The following HEATR1 variants were observed in gnomAD, a reference collection of about 807,000 sequenced individuals.
HEATR1 encodes the protein HEAT repeat-containing protein 1.
A neutral mutation model predicts 248.2 loss-of-function variants in HEATR1; 77 were observed. The observed-to-expected ratio is 0.31, with a 90% confidence interval of 0.26 to 0.37. HEATR1 has a LOEUF of 0.37. Among genes scored for constraint, HEATR1 ranks in the 10% least tolerant of loss-of-function variants. HEATR1 has a pLI of 1.00. For synonymous variants in HEATR1, 897 were observed against 923.1 expected (o/e 0.97, Z 0.51); for missense variants, 2,420 against 2,504.9 (o/e 0.97, Z 0.72).
At chr1:236,587,062 T>C (rs1463977612) in intron 14 of HEATR1, among the ~76,000 whole-genome samples, 2 of 152,160 alleles carry the variant, frequency 1.3e-5, no homozygotes, top group African/African-American at 2.4e-5. Flanking sequence ...GTTTAACACA[T>C]TGGTATTTGT....
At chr1:236,565,415 G>C (rs752227922) in intron 31 of HEATR1, among the ~76,000 whole-genome samples, 1 of 152,006 alleles carries the variant, frequency 6.6e-6, no homozygotes, top group Non-Finnish European at 1.5e-5. Context: ...CATTCTCCTG[G>C]GTAGCTGGGA....
intron 4 of HEATR1, 83 bp downstream of exon 4, chr1:236,599,400 G>A (rs1049120592): frequency 6.1e-6 from 7 of 1,156,082 alleles, no homozygotes; most frequent in Admixed American, 2.5e-5. Flanking sequence ...CTATCCCCAG[G>A]AGCAATGACT....
chr1:236,590,838 G>C lies in HEATR1; in HGVS notation c.1530+9C>G, dbSNP rs189070540. ...AAAAAACCATATAAAAAAGCGATCT[G>C]AAACAAACCTTTGATGTTTTCATGA... On this transcript the variant is annotated intron_variant, in intron 12 of 44. Transcript: ENST00000366582. The C allele has an allele frequency of 5.4e-5, 77 of 1,419,084 alleles. No individual in the cohort carries two copies. The African/African-American group carries it at 1.0e-3, about 19-fold the overall frequency. 87.9% of individuals were successfully genotyped at this position (1,419,084 alleles called of 1,614,324 possible). A position where few individuals can be genotyped will look rare whatever the true frequency, so the allele number is the denominator to read the frequency against.
Position 236,558,425 on chromosome 1 carries a change from A to G in HEATR1, c.5016T>C (p.Tyr1672=). 1 of 1,614,216 alleles carries G rather than the reference A, an allele frequency of 6.2e-7. No homozygotes were observed. ...AATTCTTGCATAAAAGCTTTAAGGT[A>G]TACAACGCTGTCTGTCTGTTGATTG... The part of the protein sequence containing the change: ...EQAINRQTAL[Y]TLKLLCKNFG... The change falls in exon 36 of 45, where the codon TAT becomes TAC. Residue 1672 remains tyrosine, a synonymous_variant. Transcript: ENST00000366582.
In HEATR1 at chr1:236,564,516, G is replaced by A. The variant is rs1342521118; in HGVS notation, c.4581C>T (p.Ser1527=). ...ACATTACCTTTTTCAGAAAATTATTGGAAGACAGGAGCTGAGACATGAAGG... is the reference window on the plus strand; with the variant it reads ...ACATTACCTTTTTCAGAAAATTATTAGAAGACAGGAGCTGAGACATGAAGG... ...SVSFMSQLLS[S]NNFLKKVVES... is the part of the protein sequence containing the mutation. Residue 1527 remains serine (S), a synonymous_variant, in exon 32 of 45, where the codon TCC becomes TCT. Coordinates refer to ENST00000366582, the MANE Select transcript of HEATR1 (RefSeq NM_018072.6). The A allele has an allele frequency of 6.2e-7, 1 of 1,612,920 alleles. No homozygotes were observed. Among genetic ancestry groups the A allele is most frequent in the African/African-American group, 1.3e-5 (1 of 74,822 alleles).
At chr1:236,596,074 G>A in intron 6 of HEATR1, 30 bp from the exon 7 acceptor site, 8 of 1,461,776 alleles carry the variant, frequency 5.5e-6, no homozygotes, top group Non-Finnish European at 7.6e-6. Flanking sequence ...AAGGAAAAAT[G>A]ATAAACCATA....
At position 236,595,968 on chromosome 1, in the gene HEATR1, A is replaced by G. The variant is rs772555932; in HGVS notation, c.821T>C (p.Met274Thr). ...IICQISVKVT[M>T]ENTFVNSLAS... ...CAATGAATTCACAAAGGTATTTTCC[A>G]TGGTCACTTTCACAGAAATCTGACA... Residue 274 changes from methionine (M) to threonine (T), a missense_variant, in exon 7 of 45, where the codon ATG becomes ACG. Transcript: ENST00000366582. The G allele has an allele frequency of 2.5e-6, 4 of 1,613,892 alleles. No individual in the cohort carries two copies. In the East Asian group the frequency reaches 8.9e-5, roughly 36 times the overall value.
chr1:236,562,622 C>T (rs539618448), intron 32 of HEATR1, among the ~76,000 whole-genome samples: 36 of 152,186 alleles, frequency 2.4e-4, no homozygotes, highest in Admixed American at 2.2e-3. Flanking sequence ...GTCCTTGGCC[C>T]CTTACAGTTT....
intron 20 of HEATR1, among the ~76,000 whole-genome samples, chr1:236,577,371 G>A (rs148628884): frequency 0.011 from 1,666 of 152,202 alleles, 27 homozygotes; most frequent in African/African-American, 0.038. Flanking sequence ...GGCTGGTTTC[G>A]AACTCCTGAC....
At chr1:236,577,060 T>C (rs1284705955) in intron 20 of HEATR1, 111 bp from the exon 21 acceptor site, 1 of 746,270 alleles carries the variant, frequency 1.3e-6, no homozygotes, top group Admixed American at 3.0e-5. Flanking sequence ...GAATTCAAAC[T>C]CCTTCTCTGT....
At chr1:236,574,946 A>T in intron 22 of HEATR1, 43 bp from the exon 23 acceptor site, 1 of 1,580,768 alleles carries the variant, frequency 6.3e-7, no homozygotes, top group Non-Finnish European at 8.6e-7. Flanking sequence ...ATGTATACTG[A>T]TATGTTTTTG....
At chr1:236,569,616 C>CGATA (rs1282995228) in intron 28 of HEATR1, among the ~76,000 whole-genome samples, 2 of 151,982 alleles carry the variant, frequency 1.3e-5, no homozygotes, top group South Asian at 4.2e-4. Flanking sequence ...ACTAGAATGG[C>CGATA]GATAAAAAAG....
rs1339998847 is a variant in HEATR1, at chr1:236,566,045, C to A, written c.4309G>T (p.Asp1437Tyr). Residue 1437 changes from aspartate to tyrosine, a missense_variant and splice_region_variant, in exon 31 of 45, where the codon GAT (aspartate) becomes TAT (tyrosine). Transcript: ENST00000366582. ...TCAGTGTCTGCTTCTAAAATAGCAT[C>A]CTGTGTAGAAAAAGAAAAAGGTAAC... is the stretch of plus-strand genomic sequence containing the variant. ...TVLAAAYGEK[D>Y]AILEADTEFW... The A allele has an allele frequency of 1.2e-6, 2 of 1,611,778 alleles. No individual in the cohort carries two copies. The highest frequency in any genetic ancestry group is 4.5e-5 in the East Asian group (2 of 44,838).
chr1:236,549,750 G>A lies in HEATR1; in HGVS notation c.*1152C>T, dbSNP rs892555044. 6.6e-6 allele frequency: 1 copy of A among 152,040 alleles called. No individual in the cohort carries two copies. The highest frequency in any genetic ancestry group is 6.5e-5 in the Admixed American group (1 of 15,274). 9.4% of individuals were successfully genotyped at this position (152,040 alleles called of 1,614,324 possible). A position where few individuals can be genotyped will look rare whatever the true frequency, so the allele number is the denominator to read the frequency against. ...TAACTGAGCTGTTGGAGACTGTGAG[G>A]CATTTAGGAAAAAAATAGCCCACTC... On this transcript the variant is annotated 3_prime_UTR_variant, in exon 45 of 45. Coordinates refer to ENST00000366582, the MANE Select transcript of HEATR1 (RefSeq NM_018072.6).
Position 236,554,631 on chromosome 1 carries a change from T to A in HEATR1, c.6045A>T (p.Arg2015Ser). Reference protein sequence around the residue: ...FDTQHFISKERAEALMMPLVD... With the variant: ...FDTQHFISKESAEALMMPLVD... ...CCAGAGGCATCATCAAGGCTTCTGC[T>A]CTCTCTTTACTTATAAAATGCTGGG... The change falls in exon 42 of 45, where the codon AGA (arginine) becomes AGT (serine). Residue 2015 changes from arginine (R) to serine (S), a missense_variant. Physicochemically the swap from Arg to Ser is moderately radical, Grantham distance 110 (BLOSUM62 -1). Coordinates refer to ENST00000366582, the MANE Select transcript of HEATR1 (RefSeq NM_018072.6). 1 of 1,612,410 alleles carries A rather than the reference T, an allele frequency of 6.2e-7. No homozygotes were observed. The highest frequency in any genetic ancestry group is 1.3e-5 in the African/African-American group (1 of 74,938).
intron 24 of HEATR1, among the ~76,000 whole-genome samples, chr1:236,573,293 C>T (rs563267328): frequency 6.6e-6 from 1 of 152,272 alleles, no homozygotes; most frequent in South Asian, 2.1e-4. Flanking sequence ...AGTGCCGGAT[C>T]AGATATGTAT....
intron 28 of HEATR1, among the ~76,000 whole-genome samples, chr1:236,570,868 C>T (rs1030077894): frequency 1.3e-5 from 2 of 152,102 alleles, no homozygotes; most frequent in Admixed American, 1.3e-4. Flanking sequence ...ATGAAAATAG[C>T]TTCAATCTCT....
chr1:236,571,352 G>A lies in HEATR1; in HGVS notation c.3947C>T (p.Pro1316Leu), dbSNP rs935904378. Residue 1316 changes from proline to leucine, a missense_variant and splice_region_variant, in exon 28 of 45, where the codon CCG becomes CTG. Coordinates refer to ENST00000366582, the MANE Select transcript of HEATR1 (RefSeq NM_018072.6). ...LLLGTVAGIF[P>L]DKVLHNIMSI... Reference sequence around the variant, plus strand: ...AAATCTTATATCATTAACGCTTACCGGAAATATTCCAGCAACAGTGCCCAA... The same window carrying A: ...AAATCTTATATCATTAACGCTTACCAGAAATATTCCAGCAACAGTGCCCAA... 5.7e-6 allele frequency: 9 copies of A among 1,589,610 alleles called. No homozygotes were observed. The highest frequency in any genetic ancestry group is 2.3e-5 in the South Asian group (2 of 86,028).
intron 9 of HEATR1, among the ~76,000 whole-genome samples, 154 bp from the exon 10 acceptor site, chr1:236,592,787 G>T (rs187022956): frequency 1.6e-4 from 24 of 152,284 alleles, no homozygotes; most frequent in African/African-American, 5.5e-4. Context: ...GAAACTAGAG[G>T]CCTGGTGTAG....
Sources: allele counts gnomAD v4.1 joint callset (sites outside exome capture counted in the v4.1 genomes callset), GRCh38; gene constraint gnomAD v4.1.1; transcripts MANE v1.5; gene names NCBI Gene and HGNC (gene_info 2026-07-23, HGNC 2026-07-21).